The following USP44 variants were observed in gnomAD, a reference collection of about 807,000 sequenced individuals.
USP44 encodes ubiquitin carboxyl-terminal hydrolase 44.
A neutral mutation model predicts 69.0 loss-of-function variants in USP44; 61 were observed. The observed-to-expected ratio is 0.88, with a 90% confidence interval of 0.72 to 1.09. The LOEUF is 1.09. Among genes scored for constraint, USP44 ranks in the 50% least tolerant of loss-of-function variants. The pLI is 0.00. For synonymous variants in USP44, 297 were observed against 295.4 expected, an observed-to-expected ratio of 1.01 and a Z score of -0.06; for missense variants, 753 against 849.9, an observed-to-expected ratio of 0.89 and a Z score of 1.42.
At chr12:95,539,559 A>G (rs934659614) in intron 1 of USP44, among the ~76,000 whole-genome samples, 2 of 152,086 alleles carry the variant, frequency 1.3e-5, no homozygotes, top group South Asian at 4.1e-4. Flanking sequence ...CAAGTATACT[A>G]TTTTCATTTT....
At chr12:95,544,048 CTTTTTTTTTTT>C (rs1191045599) in intron 1 of USP44, among the ~76,000 whole-genome samples, 1 of 97,236 alleles carries the variant, frequency 1.0e-5, no homozygotes, top group African/African-American at 4.1e-5. Flanking sequence ...TTTTAGTTAT[CTTTTTTTTTTT>C]TTTTTTTTTT....
At position 95,528,837 on chromosome 12, in the gene USP44, C is replaced by T. The variant is rs781651710; in HGVS notation, c.1594G>A (p.Gly532Arg). The part of the protein sequence containing the change: ...AKFTETEALE[G>R]KIYVCDQCNS... Reference sequence around the variant, plus strand: ...CACTGGTCACATACGTAGATTTTTCCTTCTAAAGCTTCAGTTTCTGTAAAT... The same window carrying T: ...CACTGGTCACATACGTAGATTTTTCTTTCTAAAGCTTCAGTTTCTGTAAAT... The change falls in exon 3 of 6, where the codon GGA becomes AGA. Residue 532 changes from glycine (G) to arginine (R), a missense_variant. Gly to Arg is a moderately radical substitution (Grantham distance 125, BLOSUM62 -2). Transcript: ENST00000258499. 2.5e-6 allele frequency: 4 copies of T among 1,613,830 alleles called. No homozygotes were observed. Among genetic ancestry groups the T allele is most frequent in the South Asian group, 1.1e-5 (1 of 91,066 alleles).
At chr12:95,540,093 A>G (rs2077339641) in intron 1 of USP44, among the ~76,000 whole-genome samples, 1 of 152,112 alleles carries the variant, frequency 6.6e-6, no homozygotes, top group Middle Eastern at 3.2e-3. Flanking sequence ...TCTGATAATG[A>G]ACTCATCCTA....
intron 1 of USP44, among the ~76,000 whole-genome samples, chr12:95,543,398 C>A (rs2140362077): frequency 8.6e-6 from 1 of 116,746 alleles, no homozygotes; most frequent in Non-Finnish European, 1.7e-5. Context: ...CAGAGTAAGA[C>A]TCTTTCTCAA....
chr12:95,536,762 A>C (rs1305469345), intron 1 of USP44, among the ~76,000 whole-genome samples: 2 of 152,214 alleles, frequency 1.3e-5, no homozygotes, highest in African/African-American at 4.8e-5. Context: ...AACACACAGT[A>C]GCATGGTCTG....
At chr12:95,521,655 T>G (rs1385464409) in intron 4 of USP44, among the ~76,000 whole-genome samples, 8 of 152,180 alleles carry the variant, frequency 5.3e-5, no homozygotes, top group Non-Finnish European at 1.2e-4. Flanking sequence ...GGCTAATTTT[T>G]GTATTTTTAG....
At chr12:95,524,021 C>A (rs1473952784) in intron 4 of USP44, among the ~76,000 whole-genome samples, 1 of 151,932 alleles carries the variant, frequency 6.6e-6, no homozygotes, top group Non-Finnish European at 1.5e-5. Context: ...GAATTACAGG[C>A]GTGTGTCACC....
At chr12:95,524,860 T>C (rs974347024) in intron 3 of USP44, 72 bp from the exon 4 acceptor site, 9 of 1,332,906 alleles carry the variant, frequency 6.8e-6, no homozygotes, top group Non-Finnish European at 7.3e-6. Flanking sequence ...TGAACCTTCT[T>C]TTTAATTAAG....
intron 2 of USP44, 87 bp from the exon 3 acceptor site, chr12:95,529,089 A>T: frequency 8.5e-7 from 1 of 1,176,592 alleles, no homozygotes; most frequent in Non-Finnish European, 1.1e-6. Flanking sequence ...CCACTAAATA[A>T]ACTTTTCTCA....
chr12:95,519,347 A>T (rs2076573171), intron 5 of USP44, among the ~76,000 whole-genome samples: 3 of 152,010 alleles, frequency 2.0e-5, no homozygotes, highest in Admixed American at 1.3e-4. Flanking sequence ...CATCCTTACA[A>T]TACCTCATAA....
chr12:95,536,752 AACAC>A (rs2077219006), intron 1 of USP44, among the ~76,000 whole-genome samples: 1 of 152,128 alleles, frequency 6.6e-6, no homozygotes, highest in Admixed American at 6.5e-5. Context: ...GTCTACTCTC[AACAC>A]ACAGTAGCAT....
At chr12:95,524,631 C>A in intron 4 of USP44, 49 bp downstream of exon 4, 2 of 1,374,994 alleles carry the variant, frequency 1.5e-6, no homozygotes, top group Non-Finnish European at 9.9e-7. Flanking sequence ...AGTTTTGAAG[C>A]ATTATAAGCA....
intron 1 of USP44, among the ~76,000 whole-genome samples, chr12:95,537,405 A>G (rs1031743052): frequency 3.3e-5 from 5 of 151,870 alleles, no homozygotes; most frequent in Admixed American, 2.0e-4. Flanking sequence ...TGCAACCTCC[A>G]CCTCCTGGGT....
rs923646668 is a variant in USP44 at position 95,517,835 on chromosome 12, T to C, written c.*319A>G. 1.9e-5 allele frequency: 4 copies of C among 211,548 alleles called. No homozygotes were observed. The highest frequency in any genetic ancestry group is 3.8e-5 in the Non-Finnish European group (4 of 104,966). The allele number at this position is 211,548 out of a possible 1,614,324, so 13.1% of individuals were successfully genotyped here. A position where few individuals can be genotyped will look rare whatever the true frequency, so the allele number is the denominator to read the frequency against. ...AAAATACCTGAAAAAGATACATGTATATAAAATGATGCCACTTGAACTTTG... is the reference window on the plus strand; with the variant it reads ...AAAATACCTGAAAAAGATACATGTACATAAAATGATGCCACTTGAACTTTG... On this transcript the variant is annotated 3_prime_UTR_variant, in exon 6 of 6. Transcript: ENST00000258499.
intron 5 of USP44, 150 bp from the exon 6 acceptor site, chr12:95,518,503 C>T (rs554959504): frequency 1.4e-5 from 11 of 786,060 alleles, no homozygotes; most frequent in Non-Finnish European, 2.2e-5. Context: ...GCAGTGTTAC[C>T]CTGGAATTAT....
At chr12:95,536,905 C>A (rs12823525) in intron 1 of USP44, among the ~76,000 whole-genome samples, 1 of 151,990 alleles carries the variant, frequency 6.6e-6, no homozygotes, top group Non-Finnish European at 1.5e-5. Context: ...TAAGGCCACT[C>A]GCTGGTACCT....
intron 1 of USP44, among the ~76,000 whole-genome samples, chr12:95,543,242 A>C (rs1339219798): frequency 6.6e-6 from 1 of 151,600 alleles, no homozygotes; most frequent in Non-Finnish European, 1.5e-5. Flanking sequence ...CTCTACTAAA[A>C]ATACAAAAAT....
intron 3 of USP44, among the ~76,000 whole-genome samples, chr12:95,527,836 C>CTTTT (rs760231106): frequency 1.1e-4 from 6 of 54,834 alleles, no homozygotes; most frequent in Non-Finnish European, 1.6e-4. Context: ...GAGGAAGATG[C>CTTTT]TTTTTTTTTT....
Position 95,517,627 on chromosome 12 carries a change from T to C in USP44, c.*527A>G, listed in dbSNP as rs1481716262. ...TTACATTAACCAAAATAATGTCAATTACAAGGCCTGTTAACACACAAAGCC... is the reference window on the plus strand; with the variant it reads ...TTACATTAACCAAAATAATGTCAATCACAAGGCCTGTTAACACACAAAGCC... On this transcript the variant is annotated 3_prime_UTR_variant, in exon 6 of 6. Coordinates refer to ENST00000258499, the MANE Select transcript of USP44 (RefSeq NM_032147.5). 6.6e-6 allele frequency: 1 copy of C among 152,420 alleles called. No individual in the cohort carries two copies. Among genetic ancestry groups the C allele is most frequent in the East Asian group, 1.9e-4 (1 of 5,200 alleles). The allele number at this position is 152,420 out of a possible 1,614,324, so 9.4% of individuals were successfully genotyped here. A position where few individuals can be genotyped will look rare whatever the true frequency, so the allele number is the denominator to read the frequency against.
Sources: gnomAD v4.1 joint callset for allele counts (sites outside exome capture counted in the v4.1 genomes callset) on GRCh38, gnomAD v4.1.1 for gene constraint, MANE v1.5 for transcripts, NCBI Gene and HGNC (gene_info 2026-07-23, HGNC 2026-07-21) for gene names.